TAFA1: variants seen among roughly 807,000 people sequenced by gnomAD.
TAFA1 encodes chemokine-like protein TAFA-1.
A neutral mutation model predicts 18.5 loss-of-function variants in TAFA1; 4 were observed. That is an observed-to-expected ratio of 0.22 (90% confidence interval 0.11 to 0.49). TAFA1 has a LOEUF of 0.49. TAFA1 is among the 20% of genes least tolerant of loss of function. TAFA1 has a pLI of 0.98. For missense variants in TAFA1, 147 were observed against 169.0 expected (o/e 0.87, Z 0.72); for synonymous variants, 56 against 55.2 (o/e 1.01, Z -0.06).
intron 2 of TAFA1, among the ~76,000 whole-genome samples, chr3:68,330,454 G>C (rs956843729): frequency 3.9e-5 from 6 of 152,144 alleles, no homozygotes; most frequent in Admixed American, 2.0e-4. Flanking sequence ...GCTATACCAG[G>C]TCCCCTTCAT....
intron 2 of TAFA1, among the ~76,000 whole-genome samples, chr3:68,226,108 T>C (rs1395087384): frequency 6.6e-6 from 1 of 152,226 alleles, no homozygotes. Flanking sequence ...GACTGATTGA[T>C]GGAAAAGTGT....
At chr3:68,056,295 G>A (rs753534055) in intron 2 of TAFA1, among the ~76,000 whole-genome samples, 16 of 152,104 alleles carry the variant, frequency 1.1e-4, no homozygotes, top group Non-Finnish European at 2.2e-4. Context: ...GTTCCAACCT[G>A]AGTTCTCAGG....
At chr3:68,431,387 G>C (rs974555649) in intron 3 of TAFA1, among the ~76,000 whole-genome samples, 1 of 151,984 alleles carries the variant, frequency 6.6e-6, no homozygotes, top group Non-Finnish European at 1.5e-5. Context: ...GGGACTGAGC[G>C]TTGTTGAGGA....
chr3:68,083,107 T>A (rs535824334), intron 2 of TAFA1, among the ~76,000 whole-genome samples: 1 of 152,250 alleles, frequency 6.6e-6, no homozygotes, highest in East Asian at 1.9e-4. Context: ...CTCACCAGCA[T>A]AATGGAGCCC....
chr3:68,487,488 C>T (rs973659633), intron 3 of TAFA1, among the ~76,000 whole-genome samples: 8 of 152,208 alleles, frequency 5.3e-5, no homozygotes, highest in Admixed American at 5.2e-4. Context: ...TAGCTTACAC[C>T]TGTAATCCTA....
At chr3:68,053,308 T>C (rs181773042) in intron 2 of TAFA1, among the ~76,000 whole-genome samples, 1 of 152,238 alleles carries the variant, frequency 6.6e-6, no homozygotes, top group African/African-American at 2.4e-5. Flanking sequence ...CCCCTGATGA[T>C]TTTTTAATTT....
At chr3:68,181,496 G>C (rs1483444092) in intron 2 of TAFA1, among the ~76,000 whole-genome samples, 6 of 152,066 alleles carry the variant, frequency 3.9e-5, no homozygotes, top group Admixed American at 3.3e-4. Flanking sequence ...TAACTATGAA[G>C]TAAATTCAGG....
intron 2 of TAFA1, among the ~76,000 whole-genome samples, chr3:68,043,997 T>C (rs1261063191): frequency 6.6e-6 from 1 of 152,214 alleles, no homozygotes; most frequent in East Asian, 1.9e-4. Flanking sequence ...AGCCAACCTT[T>C]TCCACTCAGA....
rs146711341 is a variant in TAFA1 at position 68,475,865 on chromosome 3, G to A, written c.259+58445G>A. Among the ~76,000 whole-genome samples the A allele has an allele frequency of 1.2e-4, 19 of 152,298 alleles. 1 individual carries two copies. The South Asian group carries it at 3.1e-3, about 25-fold the overall frequency. The stretch of plus-strand genomic sequence containing the variant: ...ATGATCGCCATTCTAACTGGTGTGA[G>A]ATGGTATCTCATTGTGGTTTTAATT... On this transcript the variant is annotated intron_variant, in intron 3 of 4. Coordinates refer to ENST00000478136, the MANE Select transcript of TAFA1 (RefSeq NM_213609.4).
intron 2 of TAFA1, among the ~76,000 whole-genome samples, chr3:68,375,979 A>G (rs2069805784): frequency 1.3e-5 from 2 of 152,104 alleles, no homozygotes; most frequent in Admixed American, 6.5e-5. Context: ...GTTTTTAAGA[A>G]CCATCTCCTA....
chr3:68,199,904 C>A (rs969577083), intron 2 of TAFA1, among the ~76,000 whole-genome samples: 46 of 151,572 alleles, frequency 3.0e-4, no homozygotes, highest in African/African-American at 1.1e-3. Flanking sequence ...AGAGGCGACA[C>A]CCTTGCATTG....
chr3:68,240,245 T>A (rs1305774371), intron 2 of TAFA1, among the ~76,000 whole-genome samples: 1 of 152,220 alleles, frequency 6.6e-6, no homozygotes, highest in East Asian at 1.9e-4. Context: ...AGGAGACCAG[T>A]GAACAAGGAA....
intron 2 of TAFA1, among the ~76,000 whole-genome samples, chr3:68,037,332 G>A (rs1705073727): frequency 6.6e-6 from 1 of 152,108 alleles, no homozygotes; most frequent in African/African-American, 2.4e-5. Flanking sequence ...CAGATGTGCA[G>A]GGCCTTGTGT....
chr3:68,155,018 C>T (rs2065850512), intron 2 of TAFA1, among the ~76,000 whole-genome samples: 1 of 152,198 alleles, frequency 6.6e-6, no homozygotes. Flanking sequence ...GCCTTATCAA[C>T]AACCCAGTTA....
chr3:68,088,313 T>A (rs1250860779), intron 2 of TAFA1, among the ~76,000 whole-genome samples: 1 of 152,184 alleles, frequency 6.6e-6, no homozygotes, highest in Non-Finnish European at 1.5e-5. Flanking sequence ...TATCTTTTCA[T>A]AGATTTTGGT....
chr3:68,264,661 G>GTCACTGAAAGTCTTTA (rs2067505210), intron 2 of TAFA1, among the ~76,000 whole-genome samples: 1 of 150,920 alleles, frequency 6.6e-6, no homozygotes, highest in African/African-American at 2.4e-5. Flanking sequence ...GCTTAACACA[G>GTCACTGAAAGTCTTTA]TCAATGAAAG....
At chr3:67,995,918 A>C in the TAFA1 span, among the ~76,000 whole-genome samples, 1 of 152,248 alleles carries the variant, frequency 6.6e-6, no homozygotes, top group African/African-American at 2.4e-5. Flanking sequence ...AACATGAATA[A>C]ATGAGAAGTG....
chr3:68,327,615 T>A (rs2068797494), intron 2 of TAFA1, among the ~76,000 whole-genome samples: 1 of 152,178 alleles, frequency 6.6e-6, no homozygotes, highest in Non-Finnish European at 1.5e-5. Flanking sequence ...GCTGAGAAGA[T>A]TAGATGGGTC....
intron 3 of TAFA1, among the ~76,000 whole-genome samples, chr3:68,421,749 T>C (rs1001818764): frequency 3.3e-5 from 5 of 152,132 alleles, no homozygotes; most frequent in Non-Finnish European, 7.4e-5. Flanking sequence ...GCACAATGTC[T>C]GACTCCCTTC....
Sources: gnomAD v4.1 joint callset for allele counts (sites outside exome capture counted in the v4.1 genomes callset) on GRCh38, gnomAD v4.1.1 for gene constraint, MANE v1.5 for transcripts, NCBI Gene and HGNC (gene_info 2026-07-23, HGNC 2026-07-21) for gene names.